The following CACNA2D3 variants were observed in gnomAD, a reference collection of about 807,000 sequenced individuals.
CACNA2D3 encodes the protein voltage-dependent calcium channel subunit alpha-2/delta-3.
Under a neutral mutation model 160.6 loss-of-function variants are expected in CACNA2D3, and 60 were observed. That is an observed-to-expected ratio of 0.37 (90% confidence interval 0.30 to 0.46). The LOEUF is 0.46. Among genes scored for constraint, CACNA2D3 ranks in the 20% least tolerant of loss-of-function variants. The probability of loss-of-function intolerance (pLI) is 1.00; values close to 1 mark genes in which losing one functional copy is unlikely to be tolerated. For missense variants in CACNA2D3, 1,205 were observed against 1,365.0 expected, an observed-to-expected ratio of 0.88 and a Z score of 1.85; for synonymous variants, 558 against 492.9, an observed-to-expected ratio of 1.13 and a Z score of -1.75.
In CACNA2D3 at chr3:54,530,979, A is replaced by G. The variant is rs140645908; in HGVS notation, c.544+27325A>G. Among the ~76,000 whole-genome samples, 416 of 152,136 alleles carry G rather than the reference A, an allele frequency of 2.7e-3. 3 individuals are homozygous for G. The highest frequency in any genetic ancestry group is 9.5e-3 in the African/African-American group (395 of 41,514). On this transcript the variant is annotated intron_variant, in intron 5 of 37. Coordinates refer to ENST00000474759, the MANE Select transcript of CACNA2D3 (RefSeq NM_018398.3). ...CCAGAGAATACTTTCCTCCCATGCT[A>G]TAGTTTTGAGGAGATGAATCTTCTT...
intron 5 of CACNA2D3, among the ~76,000 whole-genome samples, chr3:54,539,299 G>A (rs1420302830): frequency 2.6e-5 from 4 of 152,230 alleles, no homozygotes; most frequent in Non-Finnish European, 5.9e-5. Flanking sequence ...GGAGAGTGCT[G>A]TATACATGAC....
At chr3:54,291,348 A>G (rs1703199721) in intron 2 of CACNA2D3, among the ~76,000 whole-genome samples, 1 of 152,238 alleles carries the variant, frequency 6.6e-6, no homozygotes, top group Non-Finnish European at 1.5e-5. Context: ...TGGCATGTCC[A>G]TATGTAAATA....
Position 54,464,322 on chromosome 3 carries a change from T to G in CACNA2D3, c.382-39170T>G, listed in dbSNP as rs1267002927. On this transcript the variant is annotated intron_variant, in intron 4 of 37. Coordinates refer to ENST00000474759, the MANE Select transcript of CACNA2D3 (RefSeq NM_018398.3). ...TTCAAAGCTGTCAGACAGGGACATT[T>G]AAGTCTGCAGAGGTTACTGCTGTCT... Among the ~76,000 whole-genome samples, 3 of 152,338 alleles carry G rather than the reference T, an allele frequency of 2.0e-5. No homozygotes were observed. The South Asian group carries it at 6.2e-4, about 32-fold the overall frequency.
Position 54,711,823 on chromosome 3 carries a change from G to T in CACNA2D3, c.1168-40776G>T, listed in dbSNP as rs76594011. ...ACCACGTAAGCTCTCTGACATGCTT[G>T]CCACTTGGAGTAGCTCCCTCATAGC... is the stretch of plus-strand genomic sequence containing the variant. On this transcript the variant is annotated intron_variant, in intron 11 of 37. Transcript: ENST00000474759. 5.1e-3 allele frequency among the ~76,000 whole-genome samples: 773 copies of T among 152,334 alleles called. 4 individuals are homozygous for T. Among genetic ancestry groups the T allele is most frequent in the Non-Finnish European group, 8.9e-3 (607 of 68,030 alleles).
rs1294842042 is a variant in CACNA2D3, at chr3:54,709,362, C to CT, written c.1168-43236dup. Among the ~76,000 whole-genome samples, 506 of 82,344 alleles carry CT rather than the reference C, an allele frequency of 6.1e-3. 2 individuals are homozygous for CT. The highest frequency in any genetic ancestry group is 9.3e-3 in the Admixed American group (57 of 6,116). The allele number at this position is 82,344 out of a possible 152,430, so 54.0% of individuals were successfully genotyped here. On this transcript the variant is annotated intron_variant, in intron 11 of 37. Transcript: ENST00000474759. The stretch of plus-strand genomic sequence containing the variant: ...AGACTGCTTAAAGTCCTCTCTCTCT[C>CT]TCTTTTTTTTTTTCTTAAAGAGAGG...
At chr3:54,562,685 C>A in intron 5 of CACNA2D3, 115 bp from the exon 6 acceptor site, 2 of 843,932 alleles carry the variant, frequency 2.4e-6, no homozygotes, top group Non-Finnish European at 3.6e-6. Context: ...TCCTTCATAG[C>A]CTCCTGCAAG....
At chr3:54,128,762 C>T (rs190453756) in intron 2 of CACNA2D3, among the ~76,000 whole-genome samples, 2 of 152,204 alleles carry the variant, frequency 1.3e-5, no homozygotes, top group African/African-American at 4.8e-5. Flanking sequence ...TTGTGTGTTC[C>T]CTGGGACACT....
intron 2 of CACNA2D3, among the ~76,000 whole-genome samples, chr3:54,293,633 T>A (rs551310399): frequency 1.3e-5 from 2 of 152,112 alleles, no homozygotes; most frequent in East Asian, 3.9e-4. Context: ...AGGAACAAGC[T>A]AGAGGCATAC....
At chr3:54,365,707 T>A (rs956025466) in intron 3 of CACNA2D3, among the ~76,000 whole-genome samples, 2 of 151,908 alleles carry the variant, frequency 1.3e-5, no homozygotes, top group Non-Finnish European at 2.9e-5. Flanking sequence ...CTACTAAAAG[T>A]ACAAAATTAG....
intron 2 of CACNA2D3, among the ~76,000 whole-genome samples, chr3:54,146,847 C>T (rs1001353658): frequency 1.3e-5 from 2 of 152,262 alleles, no homozygotes; most frequent in African/African-American, 2.4e-5. Context: ...AAGAGGCAGA[C>T]GTGGAGGCTG....
At chr3:54,882,647 G>C (rs977623910) in intron 21 of CACNA2D3, among the ~76,000 whole-genome samples, 4 of 152,166 alleles carry the variant, frequency 2.6e-5, no homozygotes, top group Non-Finnish European at 4.4e-5. Flanking sequence ...TAAATAAAAA[G>C]ACTGACAATC....
At chr3:54,323,110 T>G (rs1181061462) in intron 3 of CACNA2D3, among the ~76,000 whole-genome samples, 1 of 152,170 alleles carries the variant, frequency 6.6e-6, no homozygotes, top group Non-Finnish European at 1.5e-5. Flanking sequence ...AGATGGGCCT[T>G]GTCCTCACTG....
At chr3:54,636,990 A>G (rs1264776582) in intron 10 of CACNA2D3, among the ~76,000 whole-genome samples, 3 of 152,058 alleles carry the variant, frequency 2.0e-5, no homozygotes, top group African/African-American at 7.3e-5. Flanking sequence ...AGAACAGACT[A>G]ATGGGTAGTA....
intron 2 of CACNA2D3, among the ~76,000 whole-genome samples, chr3:54,298,928 G>A (rs957270039): frequency 8.6e-6 from 1 of 116,116 alleles, no homozygotes; most frequent in African/African-American, 3.3e-5. Context: ...GAGCAACAGA[G>A]CAAGACTCTG....
In CACNA2D3 at chr3:54,594,709, T is replaced by A. The variant is rs1169423976; in HGVS notation, c.963+12832T>A. ...AAATAGAGATAGAGATAAGAAATAA[T>A]ATCAATAATAAATACAGCATTTTGC... On this transcript the variant is annotated intron_variant, in intron 9 of 37. Transcript: ENST00000474759. Among the ~76,000 whole-genome samples the A allele has an allele frequency of 2.6e-5, 4 of 152,228 alleles. No homozygotes were observed. In the East Asian group the frequency reaches 7.7e-4, roughly 29 times the overall value.
At chr3:54,568,252 A>G (rs1702439637) in intron 6 of CACNA2D3, among the ~76,000 whole-genome samples, 1 of 152,214 alleles carries the variant, frequency 6.6e-6, no homozygotes, top group Non-Finnish European at 1.5e-5. Context: ...GTGTTGCACA[A>G]TGATTCAAAT....
At chr3:54,736,084 T>C (rs1701512687) in intron 11 of CACNA2D3, among the ~76,000 whole-genome samples, 1 of 20,996 alleles carries the variant, frequency 4.8e-5, no homozygotes, top group Non-Finnish European at 1.3e-4. Context: ...CATATATATG[T>C]ATGTGTATAT....
rs911846462 is a variant in CACNA2D3 at position 54,850,781 on chromosome 3, C to T, written c.1626+4314C>T. Among the ~76,000 whole-genome samples, 50 of 152,266 alleles carry T rather than the reference C, an allele frequency of 3.3e-4. 1 individual carries two copies. Among genetic ancestry groups the T allele is most frequent in the African/African-American group, 1.1e-3 (47 of 41,534 alleles). ...CCATGAAGCCTGCATTGAAATTGGC[C>T]AGAAGCTGTTTGCTCTGTGTCTGCA... On this transcript the variant is annotated intron_variant, in intron 17 of 37. Coordinates refer to ENST00000474759, the MANE Select transcript of CACNA2D3 (RefSeq NM_018398.3).
chr3:54,852,976 A>T (rs548816469), intron 17 of CACNA2D3, among the ~76,000 whole-genome samples: 2 of 141,064 alleles, frequency 1.4e-5, no homozygotes, highest in South Asian at 4.3e-4. Flanking sequence ...TAACTATGCA[A>T]TTCCGCAACT....
Sources: allele counts gnomAD v4.1 joint callset (sites outside exome capture counted in the v4.1 genomes callset), GRCh38; gene constraint gnomAD v4.1.1; transcripts MANE v1.5; gene names NCBI Gene and HGNC (gene_info 2026-07-23, HGNC 2026-07-21).